The following SHB variants were observed in gnomAD, a reference collection of about 807,000 sequenced individuals.
The protein encoded by SHB is SH2 domain containing adaptor protein B.
A neutral mutation model predicts 52.3 loss-of-function variants in SHB; 20 were observed. The ratio of observed to expected loss-of-function variants is 0.38; its 90% confidence interval spans 0.27 to 0.56. The LOEUF is 0.56. Ranked by LOEUF, SHB falls within the 20% of genes least tolerant of loss-of-function variation. The pLI is 0.71. For missense variants in SHB, 825 were observed against 723.3 expected, an observed-to-expected ratio of 1.14 and a Z score of -1.61; for synonymous variants, 397 against 316.5, an observed-to-expected ratio of 1.25 and a Z score of -2.70.
At chr9:37,933,046 G>A (rs1024542375) in intron 5 of SHB, among the ~76,000 whole-genome samples, 2 of 152,170 alleles carry the variant, frequency 1.3e-5, no homozygotes, top group African/African-American at 4.8e-5. Context: ...AATTAAGACA[G>A]ATCTGCCTGC....
At chr9:37,990,429 C>CCCACAGCAGAACCCAGCT (rs1233883538) in intron 2 of SHB, among the ~76,000 whole-genome samples, 22 of 152,176 alleles carry the variant, frequency 1.4e-4, no homozygotes, top group Admixed American at 1.4e-3. Flanking sequence ...CCCTGTGATT[C>CCCACAGCAGAACCCAGCT]CCACAGCAGA....
chr9:38,037,621 G>C (rs1162226171), intron 1 of SHB, among the ~76,000 whole-genome samples: 1 of 152,168 alleles, frequency 6.6e-6, no homozygotes. Context: ...CCACCTCAGT[G>C]CTTGGCAACA....
chr9:38,034,117 GGT>G (rs2118121530), intron 1 of SHB, among the ~76,000 whole-genome samples: 1 of 152,294 alleles, frequency 6.6e-6, no homozygotes, highest in African/African-American at 2.4e-5. Context: ...CCATCTGCCT[GGT>G]GAGGGAGTTC....
At chr9:37,984,610 G>C (rs1207040571) in intron 2 of SHB, among the ~76,000 whole-genome samples, 1 of 151,920 alleles carries the variant, frequency 6.6e-6, no homozygotes, top group Non-Finnish European at 1.5e-5. Flanking sequence ...TCTTGTTTTT[G>C]GTCTTCTGGG....
At chr9:37,963,185 G>A (rs1379014276) in intron 3 of SHB, among the ~76,000 whole-genome samples, 1 of 152,194 alleles carries the variant, frequency 6.6e-6, no homozygotes, top group Non-Finnish European at 1.5e-5. Flanking sequence ...GGGATAGGGG[G>A]TCATTCAAAG....
chr9:38,056,534 T>C (rs754920314), intron 1 of SHB, among the ~76,000 whole-genome samples: 1 of 152,214 alleles, frequency 6.6e-6, no homozygotes, highest in Non-Finnish European at 1.5e-5. Context: ...GTTTTTGCCA[T>C]GCTGCCCAGG....
chr9:37,949,392 C>CAAAAAAAAAA (rs771495216), intron 4 of SHB, among the ~76,000 whole-genome samples: 1 of 50,298 alleles, frequency 2.0e-5, no homozygotes, highest in Non-Finnish European at 4.3e-5. Context: ...GACTCCATCT[C>CAAAAAAAAAA]AAAAAAAAAA....
intron 1 of SHB, among the ~76,000 whole-genome samples, chr9:38,058,604 C>T (rs1564112755): frequency 6.6e-6 from 1 of 152,194 alleles, no homozygotes; most frequent in African/African-American, 2.4e-5. Flanking sequence ...CTGCTCAGAA[C>T]CCTCTGCTGC....
In SHB at chr9:37,917,780, G is replaced by A. The variant is rs1832119810; in HGVS notation, c.*2041C>T. 6.6e-6 allele frequency among the ~76,000 whole-genome samples: 1 copy of A among 152,262 alleles called. No homozygotes were observed. The highest frequency in any genetic ancestry group is 1.5e-5 in the Non-Finnish European group (1 of 68,048). ...AGGAAATGCCAAACAGGCAAGGAAA[G>A]GATTGGCTTCTTTAAGAGATTAAAC... On this transcript the variant is annotated 3_prime_UTR_variant, in exon 6 of 6. Transcript: ENST00000377707.
chr9:37,928,310 T>C (rs1256991534), intron 5 of SHB, among the ~76,000 whole-genome samples: 1 of 152,056 alleles, frequency 6.6e-6, no homozygotes, highest in Non-Finnish European at 1.5e-5. Flanking sequence ...GACAGCAAAA[T>C]GACAAAAGCA....
intron 2 of SHB, among the ~76,000 whole-genome samples, chr9:38,009,977 G>A (rs1287646921): frequency 2.6e-5 from 4 of 152,230 alleles, no homozygotes; most frequent in Admixed American, 2.0e-4. Flanking sequence ...ATGACACTTT[G>A]AACAGTTTTA....
At chr9:38,042,932 C>T (rs1164309249) in intron 1 of SHB, among the ~76,000 whole-genome samples, 3 of 152,154 alleles carry the variant, frequency 2.0e-5, no homozygotes, top group Non-Finnish European at 2.9e-5. Flanking sequence ...CTAGGAGCTG[C>T]TCAAACTCCC....
At chr9:37,972,240 T>A (rs1206955168) in intron 3 of SHB, among the ~76,000 whole-genome samples, 1 of 152,096 alleles carries the variant, frequency 6.6e-6, no homozygotes, top group Non-Finnish European at 1.5e-5. Context: ...CAAACTGGTG[T>A]TTGCAAAGAG....
intron 3 of SHB, among the ~76,000 whole-genome samples, chr9:37,960,698 T>C (rs1173394853): frequency 6.6e-6 from 1 of 152,148 alleles, no homozygotes; most frequent in Non-Finnish European, 1.5e-5. Context: ...CCTTTCTGCT[T>C]GTATGACAGA....
intron 1 of SHB, among the ~76,000 whole-genome samples, chr9:38,064,691 G>A (rs1451828754): frequency 6.6e-6 from 1 of 152,182 alleles, no homozygotes; most frequent in Non-Finnish European, 1.5e-5. Flanking sequence ...AGAGATCATG[G>A]ACAAGTCTCC....
chr9:37,974,741 G>A lies in SHB; in HGVS notation c.935C>T (p.Ser312Leu), dbSNP rs374983486. The A allele has an allele frequency of 1.2e-5, 19 of 1,613,930 alleles. No individual in the cohort carries two copies. The highest frequency in any genetic ancestry group is 1.4e-5 in the Non-Finnish European group (16 of 1,179,942). ...EPEGQSVDSDSESTVSPRLRE... is the reference protein window; with the variant it reads ...EPEGQSVDSDLESTVSPRLRE... ...CAGTCGGGGGCTGACTGTGCTCTCC[G>A]AGTCTGAGTCAACACTTTGGCCTTC... Residue 312 changes from serine (S) to leucine (L), a missense_variant, in exon 3 of 6, where the codon TCG (serine) becomes TTG (leucine). Transcript: ENST00000377707.
chr9:37,948,780 G>A (rs1161235549), intron 4 of SHB, 26 bp from the exon 5 acceptor site: 6 of 1,612,940 alleles, frequency 3.7e-6, no homozygotes, highest in Non-Finnish European at 5.1e-6. Context: ...AGAGTGGTCA[G>A]AGCCCAGCGC....
chr9:37,987,150 C>T (rs947724486), intron 2 of SHB, among the ~76,000 whole-genome samples: 1 of 152,218 alleles, frequency 6.6e-6, no homozygotes, highest in Non-Finnish European at 1.5e-5. Flanking sequence ...AGCCAGGCCC[C>T]TCCCCGCCTG....
At chr9:37,994,950 G>T (rs1820929820) in intron 2 of SHB, among the ~76,000 whole-genome samples, 1 of 152,156 alleles carries the variant, frequency 6.6e-6, no homozygotes, top group Non-Finnish European at 1.5e-5. Flanking sequence ...TGATTCCAGG[G>T]CTCAGCAACA....
Sources: gnomAD v4.1 joint callset for allele counts (sites outside exome capture counted in the v4.1 genomes callset) on GRCh38, gnomAD v4.1.1 for gene constraint, MANE v1.5 for transcripts, NCBI Gene and HGNC (gene_info 2026-07-23, HGNC 2026-07-21) for gene names.